PRP4K: variants seen among roughly 807,000 people sequenced by gnomAD.
PRP4K encodes the protein serine/threonine-protein kinase PRP4 homolog.
chr6:4,037,456 T>G, the PRP4K span: 1 of 1,614,056 alleles, frequency 6.2e-7, no homozygotes, highest in Non-Finnish European at 8.5e-7. Context: ...GCCAGCCCCA[T>G]CAATAGATGG....
At chr6:4,031,637 C>T in the PRP4K span, 2 of 1,601,166 alleles carry the variant, frequency 1.2e-6, no homozygotes, top group Non-Finnish European at 1.7e-6. Flanking sequence ...AAAATAAGCA[C>T]AGTCGTCACA....
At chr6:4,031,231 A>G in the PRP4K span, among the ~76,000 whole-genome samples, 25 of 152,190 alleles carry the variant, frequency 1.6e-4, no homozygotes, top group African/African-American at 5.3e-4. Context: ...CTTGTACTAA[A>G]TCAATGTTAA....
At chr6:4,045,817 CTG>C in the PRP4K span, among the ~76,000 whole-genome samples, 6 of 152,148 alleles carry the variant, frequency 3.9e-5, no homozygotes, top group South Asian at 4.2e-4. Flanking sequence ...TTTGAAATCT[CTG>C]TATGGTATGC....
the PRP4K span, chr6:4,043,807 T>C: frequency 1.1e-5 from 17 of 1,610,220 alleles, no homozygotes; most frequent in African/African-American, 1.3e-5. Flanking sequence ...TGTATTGTTA[T>C]TACAGAAATA....
chr6:4,022,472 TTTTTTG>T, the PRP4K span, among the ~76,000 whole-genome samples: 7,252 of 82,422 alleles, frequency 0.088, 585 homozygotes, highest in African/African-American at 0.27. Flanking sequence ...TTTTGTTTTG[TTTTTTG>T]TTTTTTTTTG....
At chr6:4,043,716 G>T in the PRP4K span, 1 of 1,115,568 alleles carries the variant, frequency 9.0e-7, no homozygotes, top group Non-Finnish European at 1.3e-6. Flanking sequence ...TATTTGATAC[G>T]TTCTCTTAAC....
At chr6:4,038,660 A>T in the PRP4K span, among the ~76,000 whole-genome samples, 1 of 151,952 alleles carries the variant, frequency 6.6e-6, no homozygotes, top group East Asian at 1.9e-4. Context: ...AATCATTGTG[A>T]TCCTGTATGT....
chr6:4,032,205 A>G, the PRP4K span: 1 of 1,614,056 alleles, frequency 6.2e-7, no homozygotes. Context: ...ATCCAAAAGA[A>G]GTAAGTCTCA....
chr6:4,032,845 A>C, the PRP4K span: 1 of 1,312,090 alleles, frequency 7.6e-7, no homozygotes. Context: ...AAAATGAAGT[A>C]GTAAGTAAAA....
At chr6:4,022,719 G>A in the PRP4K span, among the ~76,000 whole-genome samples, 1 of 152,174 alleles carries the variant, frequency 6.6e-6, no homozygotes, top group South Asian at 2.1e-4. Flanking sequence ...ATTTGACTTA[G>A]CAGAGAACAA....
At chr6:4,034,407 T>C in the PRP4K span, among the ~76,000 whole-genome samples, 276 of 152,320 alleles carry the variant, frequency 1.8e-3, no homozygotes, top group Non-Finnish European at 2.9e-3. Context: ...CTTTATAGAA[T>C]AGACTCATAG....
At chr6:4,040,501 A>C in the PRP4K span, among the ~76,000 whole-genome samples, 2 of 152,158 alleles carry the variant, frequency 1.3e-5, no homozygotes, top group Admixed American at 6.6e-5. Flanking sequence ...CCATGGGAAG[A>C]ATTTCTTAGT....
chr6:4,056,899 C>T, the PRP4K span: 1 of 1,101,900 alleles, frequency 9.1e-7, no homozygotes, highest in Non-Finnish European at 1.3e-6. Context: ...GAACACAAAA[C>T]TAATTGTCAA....
At chr6:4,060,376 C>T in the PRP4K span, 1 of 1,573,180 alleles carries the variant, frequency 6.4e-7, no homozygotes, top group Middle Eastern at 1.7e-4. The surrounding 1 kb of genome is among the most constrained non-coding windows in gnomAD (Gnocchi z 4.7). Context: ...TGCTTAGTAA[C>T]TTATTTAGAG....
chr6:4,062,038 C>T, the PRP4K span: 1 of 152,476 alleles, frequency 6.6e-6, no homozygotes, highest in East Asian at 1.9e-4. This position sits in a 1 kb window ranked among gnomAD's most constrained non-coding sequence, Gnocchi z 4.2. Context: ...AAGATGTAAA[C>T]CTAGCCAAAA....
At chr6:4,041,544 C>A in the PRP4K span, among the ~76,000 whole-genome samples, 1 of 152,096 alleles carries the variant, frequency 6.6e-6, no homozygotes, top group Non-Finnish European at 1.5e-5. Context: ...AAGAGTGAGA[C>A]CCTGTCTCAA....
the PRP4K span, chr6:4,037,608 A>C: frequency 6.3e-7 from 1 of 1,579,872 alleles, no homozygotes; most frequent in Non-Finnish European, 8.6e-7. Flanking sequence ...TTAAACTCTG[A>C]ATGTTTTTGA....
At chr6:4,043,959 T>C in the PRP4K span, 2 of 1,613,888 alleles carry the variant, frequency 1.2e-6, no homozygotes, top group Non-Finnish European at 1.7e-6. Flanking sequence ...AACGGGAAAA[T>C]GTTGATACAT....
At chr6:4,033,881 G>A in the PRP4K span, among the ~76,000 whole-genome samples, 1 of 151,796 alleles carries the variant, frequency 6.6e-6, no homozygotes, top group Admixed American at 6.6e-5. Context: ...TAGTTTTACT[G>A]ATTCTGTTAT....
Sources: allele counts gnomAD v4.1 joint callset (sites outside exome capture counted in the v4.1 genomes callset), GRCh38; gene constraint gnomAD v4.1.1; non-coding constraint Gnocchi (gnomAD v3.1); transcripts MANE v1.5; gene names NCBI Gene and HGNC (gene_info 2026-07-23, HGNC 2026-07-21).